Variants in HNMT observed in about 807,000 individuals in gnomAD.
HNMT encodes histamine N-methyltransferase.
In HNMT, 30 loss-of-function variants were observed where a neutral mutation model predicts 32.1. That is an observed-to-expected ratio of 0.93 (90% CI 0.70 to 1.27). The LOEUF is 1.27. HNMT is among the 50% of genes most tolerant of loss of function. HNMT has a pLI of 0.00. For synonymous variants in HNMT, 125 were observed against 119.0 expected (o/e 1.05, Z -0.33); for missense variants, 327 against 346.0 (o/e 0.95, Z 0.43).
chr2:137,981,635 A>G (rs1680503242), intron 2 of HNMT: 1 of 482,778 alleles, frequency 2.1e-6, no homozygotes, highest in Non-Finnish European at 3.7e-6. Flanking sequence ...TAATAACTTC[A>G]CTTTCTTGAG....
intron 5 of HNMT, among the ~76,000 whole-genome samples, chr2:138,011,104 C>T (rs1681489937): frequency 6.6e-6 from 1 of 151,706 alleles, no homozygotes; most frequent in African/African-American, 2.4e-5. Context: ...ATGCATTAGT[C>T]GGGAAGTGCA....
At chr2:138,009,870 A>C (rs1681442037) in intron 5 of HNMT, among the ~76,000 whole-genome samples, 1 of 152,102 alleles carries the variant, frequency 6.6e-6, no homozygotes, top group South Asian at 2.1e-4. Context: ...ACCATTGCCT[A>C]GCTTGCCTTC....
intron 2 of HNMT, among the ~76,000 whole-genome samples, chr2:137,990,352 C>T (rs1173226275): frequency 1.3e-5 from 2 of 152,104 alleles, no homozygotes; most frequent in Non-Finnish European, 2.9e-5. Flanking sequence ...ATCTTTGCTC[C>T]ATTGTATTGC....
chr2:137,982,905 C>A (rs1680544773), intron 2 of HNMT, among the ~76,000 whole-genome samples: 1 of 152,130 alleles, frequency 6.6e-6, no homozygotes, highest in Admixed American at 6.6e-5. Flanking sequence ...ACATTTTATT[C>A]TAATGGAAAC....
chr2:137,997,758 G>T (rs1184948088), intron 2 of HNMT, among the ~76,000 whole-genome samples: 1 of 152,176 alleles, frequency 6.6e-6, no homozygotes, highest in East Asian at 1.9e-4. Flanking sequence ...CAATAGCAAA[G>T]TCATGGAACC....
At chr2:137,992,242 G>C (rs560576659) in intron 2 of HNMT, among the ~76,000 whole-genome samples, 2 of 152,346 alleles carry the variant, frequency 1.3e-5, no homozygotes, top group Admixed American at 1.3e-4. Flanking sequence ...GCTGCCTGCT[G>C]TCAAAGCTAT....
At chr2:137,968,184 A>G (rs1012822398) in intron 1 of HNMT, among the ~76,000 whole-genome samples, 17 of 152,194 alleles carry the variant, frequency 1.1e-4, no homozygotes, top group Admixed American at 1.0e-3. Context: ...GGGCAGGAAA[A>G]ATTATAGTAA....
intron 2 of HNMT, among the ~76,000 whole-genome samples, chr2:137,993,174 C>T (rs929349705): frequency 3.9e-5 from 6 of 152,182 alleles, no homozygotes; most frequent in East Asian, 3.9e-4. Context: ...CTTTCTCCGT[C>T]GGGGTAACAG....
intron 2 of HNMT, among the ~76,000 whole-genome samples, chr2:137,990,812 T>C (rs764642895): frequency 2.0e-5 from 3 of 152,096 alleles, no homozygotes; most frequent in Non-Finnish European, 4.4e-5. Flanking sequence ...ACCAAATGCA[T>C]GAGTTTTTTT....
intron 2 of HNMT, among the ~76,000 whole-genome samples, chr2:137,987,234 A>G (rs1342018142): frequency 6.6e-6 from 1 of 152,214 alleles, no homozygotes; most frequent in Non-Finnish European, 1.5e-5. Context: ...CATCAGAGTT[A>G]TGACCAAGCA....
intron 2 of HNMT, among the ~76,000 whole-genome samples, chr2:137,973,848 G>A (rs1680206893): frequency 1.3e-5 from 2 of 151,742 alleles, no homozygotes; most frequent in Admixed American, 6.6e-5. Context: ...ATGCCCTATC[G>A]ATTAGCCTCT....
At chr2:137,967,025 C>T (rs1679978629) in intron 1 of HNMT, 1 of 773,486 alleles carries the variant, frequency 1.3e-6, no homozygotes, top group African/African-American at 1.7e-5. Context: ...AATCGTTTGA[C>T]TGGATATAGA....
chr2:137,983,757 TG>T (rs1003234523), intron 2 of HNMT, among the ~76,000 whole-genome samples: 2 of 152,166 alleles, frequency 1.3e-5, no homozygotes, highest in African/African-American at 4.8e-5. Context: ...GTGGAAAATA[TG>T]AGTAAGTTTG....
At position 137,964,692 on chromosome 2, in the gene HNMT, T is replaced by C. The variant is rs983833919; in HGVS notation, c.137+64T>C. ...AGACTGGCTGTGCGTCAGTGATAGATGGGTCTCGCTCAGCCTCGCAGGCTG... is the reference window on the plus strand; with the variant it reads ...AGACTGGCTGTGCGTCAGTGATAGACGGGTCTCGCTCAGCCTCGCAGGCTG... On this transcript the variant is annotated intron_variant, in intron 1 of 5. Transcript: ENST00000280097. 7 of 1,548,824 alleles carry C rather than the reference T, an allele frequency of 4.5e-6. No individual in the cohort carries two copies. In the African/African-American group the frequency reaches 8.1e-5, roughly 18 times the overall value.
chr2:137,980,586 G>A (rs1286503829), intron 2 of HNMT, among the ~76,000 whole-genome samples: 1 of 152,120 alleles, frequency 6.6e-6, no homozygotes, highest in Non-Finnish European at 1.5e-5. Flanking sequence ...ACCCTTTGAA[G>A]CATTTTCTCT....
intron 1 of HNMT, among the ~76,000 whole-genome samples, chr2:137,969,693 G>T (rs1680065007): frequency 6.6e-6 from 1 of 151,594 alleles, no homozygotes; most frequent in Non-Finnish European, 1.5e-5. Context: ...AGTGATATCT[G>T]TTTTTTTAAT....
At position 138,003,679 on chromosome 2, in the gene HNMT, C is replaced by T. The variant is rs75341612; in HGVS notation, c.430-1453C>T. On this transcript the variant is annotated intron_variant, in intron 4 of 5. Transcript: ENST00000280097. Reference sequence around the variant, plus strand: ...CTCCTGCAATCTCTCCCAGACCATTCGTTCTGAGCCAATGACCTCACTTCA... The same window carrying T: ...CTCCTGCAATCTCTCCCAGACCATTTGTTCTGAGCCAATGACCTCACTTCA... Among the ~76,000 whole-genome samples, 279 of 152,150 alleles carry T rather than the reference C, an allele frequency of 1.8e-3. 3 individuals are homozygous for T. In the East Asian group the frequency reaches 0.033, roughly 18 times the overall value.
intron 1 of HNMT, among the ~76,000 whole-genome samples, chr2:137,965,531 G>C (rs781643711): frequency 6.6e-6 from 1 of 152,126 alleles, no homozygotes; most frequent in Non-Finnish European, 1.5e-5. Flanking sequence ...GGCATTATTA[G>C]ATGTACATAA....
At chr2:137,994,538 C>G (rs1680924608) in intron 2 of HNMT, among the ~76,000 whole-genome samples, 1 of 152,048 alleles carries the variant, frequency 6.6e-6, no homozygotes, top group African/African-American at 2.4e-5. Flanking sequence ...TTTTTAGAGA[C>G]CTACAAAGAG....
Sources: allele counts gnomAD v4.1 joint callset (sites outside exome capture counted in the v4.1 genomes callset), GRCh38; gene constraint gnomAD v4.1.1; transcripts MANE v1.5; gene names NCBI Gene and HGNC (gene_info 2026-07-23, HGNC 2026-07-21).